The following GOSR1 variants were observed in gnomAD, a reference collection of about 807,000 sequenced individuals.
GOSR1 encodes golgi SNAP receptor complex member 1, also known as 28 kDa Golgi SNARE protein.
GOSR1 carries 21 observed loss-of-function variants against 35.5 expected under a neutral mutation model. The observed-to-expected ratio is 0.59, with a 90% CI of 0.42 to 0.85. GOSR1 has a LOEUF of 0.85. GOSR1 is among the 40% of genes least tolerant of loss of function. The pLI, the probability that GOSR1 is intolerant of heterozygous loss-of-function variation, is 0.00. For synonymous variants in GOSR1, 94 were observed against 106.6 expected (o/e 0.88, Z 0.73); for missense variants, 285 against 309.6 (o/e 0.92, Z 0.60).
intron 6 of GOSR1, among the ~76,000 whole-genome samples, chr17:30,506,393 T>A (rs1284260294): frequency 6.6e-6 from 1 of 152,124 alleles, no homozygotes; most frequent in African/African-American, 2.4e-5. Flanking sequence ...ATGGAGAAAA[T>A]TTTAATGGTC....
At chr17:30,507,336 G>T (rs368275554) in intron 6 of GOSR1, among the ~76,000 whole-genome samples, 1 of 152,190 alleles carries the variant, frequency 6.6e-6, no homozygotes, top group Non-Finnish European at 1.5e-5. Flanking sequence ...GATTTCAACC[G>T]TCATGAATAA....
In GOSR1 at chr17:30,525,853, G is replaced by A. The variant is rs1267778733; in HGVS notation, c.*3475G>A. On this transcript the variant is annotated 3_prime_UTR_variant, in exon 9 of 9. Coordinates refer to ENST00000451249, the MANE Select transcript of GOSR1 (RefSeq NM_001007025.2). ...CCAGTTCTTCCAAGGAAGTTAAAAG[G>A]CTTGGTATGGATGTTGGTGTCAGAT... The A allele has an allele frequency of 6.6e-6, 1 of 152,202 alleles. No homozygotes were observed. Among genetic ancestry groups the A allele is most frequent in the African/African-American group, 2.4e-5 (1 of 41,432 alleles). 9.4% of individuals were successfully genotyped at this position (152,202 alleles called of 1,614,324 possible). A position where few individuals can be genotyped will look rare whatever the true frequency, so the allele number is the denominator to read the frequency against.
chr17:30,478,334 G>T (rs1005379746), intron 1 of GOSR1, among the ~76,000 whole-genome samples: 1 of 152,066 alleles, frequency 6.6e-6, no homozygotes, highest in Non-Finnish European at 1.5e-5. Flanking sequence ...TGTTTTTATT[G>T]CTATACACTG....
rs1450055788 is a variant in GOSR1, at chr17:30,523,225, A to G, written c.*847A>G. On this transcript the variant is annotated 3_prime_UTR_variant, in exon 9 of 9. Transcript: ENST00000451249. ...TAGGAAGTGAGGAGCGCCTCTTCCC[A>G]GCCGCCATCCCATCTAGGAAGTGAG... 8.6e-5 allele frequency: 14 copies of G among 163,344 alleles called. No individual in the cohort carries two copies. The highest frequency in any genetic ancestry group is 6.0e-4 in the Admixed American group (9 of 15,030). The allele number at this position is 163,344 out of a possible 1,614,324, so 10.1% of individuals were successfully genotyped here. A position where few individuals can be genotyped will look rare whatever the true frequency, so the allele number is the denominator to read the frequency against.
rs1567897207 is a variant in GOSR1, at chr17:30,484,282, T to C, written c.215T>C (p.Ile72Thr). 2 of 1,608,920 alleles carry C rather than the reference T, an allele frequency of 1.2e-6. No individual in the cohort carries two copies. The highest frequency in any genetic ancestry group is 4.5e-5 in the East Asian group (2 of 44,806). ...DRMFETMAIE[I>T]EQLLARLTGV... ...ATGTTTGAGACAATGGCGATTGAGA[T>C]TGAACAACTTTTGGCAAGGGTAAGT... Residue 72 changes from isoleucine to threonine, a missense_variant, in exon 3 of 9, where the codon ATT becomes ACT. Ile to Thr is a moderately conservative substitution (Grantham distance 89, BLOSUM62 -1). This residue lies in a region of GOSR1 where 108 missense variants were observed against 98.9 expected (regional missense o/e 1.09). Transcript: ENST00000451249.
chr17:30,504,948 A>C lies in GOSR1; in HGVS notation c.510-5932A>C, dbSNP rs953547818. On this transcript the variant is annotated intron_variant, in intron 6 of 8. Coordinates refer to ENST00000451249, the MANE Select transcript of GOSR1 (RefSeq NM_001007025.2). Reference sequence around the variant, plus strand: ...AGAAAGCAGATAGTGGAAATGATAAAGTGTACCTGGCTGGCTTTCTGACGA... The same window carrying C: ...AGAAAGCAGATAGTGGAAATGATAACGTGTACCTGGCTGGCTTTCTGACGA... Among the ~76,000 whole-genome samples, 91 of 152,370 alleles carry C rather than the reference A, an allele frequency of 6.0e-4. 1 individual carries two copies. Among genetic ancestry groups the C allele is most frequent in the African/African-American group, 2.1e-3 (87 of 41,584 alleles).
chr17:30,495,687 C>T (rs1472704351), intron 6 of GOSR1: 2 of 270,798 alleles, frequency 7.4e-6, no homozygotes, highest in East Asian at 9.5e-5. Flanking sequence ...CTTCTTATAA[C>T]CTACCTTGCT....
Position 30,505,606 on chromosome 17 carries a change from A to T in GOSR1, c.510-5274A>T, listed in dbSNP as rs1433411999. 2.6e-5 allele frequency among the ~76,000 whole-genome samples: 4 copies of T among 152,120 alleles called. No homozygotes were observed. In the South Asian group the frequency reaches 8.3e-4, roughly 32 times the overall value. On this transcript the variant is annotated intron_variant, in intron 6 of 8. Transcript: ENST00000451249. Reference sequence around the variant, plus strand: ...TTACATTTCGGTAACAGTATTTTAGATGTTTTCATTATTATCATATCTGTT... The same window carrying T: ...TTACATTTCGGTAACAGTATTTTAGTTGTTTTCATTATTATCATATCTGTT...
At chr17:30,477,821 G>C in intron 1 of GOSR1, 1 of 985,338 alleles carries the variant, frequency 1.0e-6, no homozygotes, top group Non-Finnish European at 1.2e-6. Context: ...GAATGTTGAG[G>C]GAGAAGATCC....
At chr17:30,498,955 AAGAC>A (rs776967903) in intron 6 of GOSR1, among the ~76,000 whole-genome samples, 1 of 152,214 alleles carries the variant, frequency 6.6e-6, no homozygotes, top group Non-Finnish European at 1.5e-5. Flanking sequence ...CCACCACAGT[AAGAC>A]AGAGAACATT....
intron 6 of GOSR1, among the ~76,000 whole-genome samples, chr17:30,502,302 C>T (rs1273542324): frequency 6.6e-6 from 1 of 152,118 alleles, no homozygotes; most frequent in African/African-American, 2.4e-5. Context: ...CCCCTACCAC[C>T]GTGCAATGCA....
chr17:30,481,620 A>C (rs886238886), intron 2 of GOSR1, among the ~76,000 whole-genome samples: 3 of 152,186 alleles, frequency 2.0e-5, no homozygotes, highest in Admixed American at 1.3e-4. Flanking sequence ...GGACCTGTGG[A>C]TCTACCCAGG....
intron 6 of GOSR1, among the ~76,000 whole-genome samples, chr17:30,494,908 T>C (rs938821700): frequency 7.1e-6 from 1 of 140,572 alleles, no homozygotes; most frequent in African/African-American, 2.6e-5. Context: ...GTGCCCAGAC[T>C]TTTTTTTTTT....
At chr17:30,498,800 G>T (rs1334405602) in intron 6 of GOSR1, among the ~76,000 whole-genome samples, 5 of 152,210 alleles carry the variant, frequency 3.3e-5, no homozygotes, top group African/African-American at 1.2e-4. Flanking sequence ...GGGGGGCTCT[G>T]AGTGTCACCG....
chr17:30,481,130 A>G lies in GOSR1; in HGVS notation c.32-13A>G. ...TTTATGTCTAATTATTTGTTGTTAT[A>G]ATTTTGTTAAAGATCTCAGGAAACA... On this transcript the variant is annotated splice_polypyrimidine_tract_variant and intron_variant, in intron 1 of 8. Transcript: ENST00000451249. 1 of 1,555,158 alleles carries G rather than the reference A, an allele frequency of 6.4e-7. No individual in the cohort carries two copies. Among genetic ancestry groups the G allele is most frequent in the Non-Finnish European group, 8.9e-7 (1 of 1,126,582 alleles).
At chr17:30,521,157 T>TTCTC (rs771611126) in intron 8 of GOSR1, among the ~76,000 whole-genome samples, 5 of 140,812 alleles carry the variant, frequency 3.6e-5, no homozygotes, top group Non-Finnish European at 6.2e-5. Context: ...CTCCCATAAG[T>TTCTC]TCTCTCTCTC....
At position 30,522,515 on chromosome 17, in the gene GOSR1, C is replaced by T. The variant is rs575781399; in HGVS notation, c.*137C>T. The T allele has an allele frequency of 1.1e-5, 6 of 563,054 alleles. No homozygotes were observed. In the South Asian group the frequency reaches 2.9e-4, roughly 27 times the overall value. The allele number at this position is 563,054 out of a possible 1,614,324, so 34.9% of individuals were successfully genotyped here. A position where few individuals can be genotyped will look rare whatever the true frequency, so the allele number is the denominator to read the frequency against. ...TGAATGCAAGACTGACAGTGATGGA[C>T]TCTGTGACATGGTCAGGTTGAGCTG... On this transcript the variant is annotated 3_prime_UTR_variant, in exon 9 of 9. Coordinates refer to ENST00000451249, the MANE Select transcript of GOSR1 (RefSeq NM_001007025.2).
chr17:30,502,536 T>C (rs1360516915), intron 6 of GOSR1, among the ~76,000 whole-genome samples: 1 of 152,268 alleles, frequency 6.6e-6, no homozygotes, highest in African/African-American at 2.4e-5. Flanking sequence ...ATCTCACTGC[T>C]AATGACTCAG....
chr17:30,501,657 G>A (rs1033464445), intron 6 of GOSR1, among the ~76,000 whole-genome samples: 10 of 151,914 alleles, frequency 6.6e-5, no homozygotes, highest in South Asian at 2.1e-4. Flanking sequence ...CACCACACCC[G>A]GCTAATTTTT....
Sources: allele counts gnomAD v4.1 joint callset (sites outside exome capture counted in the v4.1 genomes callset), GRCh38; gene constraint gnomAD v4.1.1; regional missense constraint gnomAD v4.1.1; transcripts MANE v1.5; gene names NCBI Gene and HGNC (gene_info 2026-07-23, HGNC 2026-07-21).